Variants in CDK14 observed in about 807,000 individuals in gnomAD.
CDK14 encodes the protein cyclin dependent kinase 14, also known as cyclin-dependent kinase 14.
Under a neutral mutation model 60.7 loss-of-function variants are expected in CDK14, and 34 were observed. The observed-to-expected ratio is 0.56, with a 90% CI of 0.43 to 0.75. CDK14 has a LOEUF of 0.75. Among genes scored for constraint, CDK14 ranks in the 30% least tolerant of loss-of-function variants. The probability of loss-of-function intolerance (pLI) is 0.00; values close to 1 mark genes in which losing one functional copy is unlikely to be tolerated. For synonymous variants in CDK14, 197 were observed against 203.7 expected, an observed-to-expected ratio of 0.97 and a Z score of 0.28; for missense variants, 482 against 564.1, an observed-to-expected ratio of 0.85 and a Z score of 1.47.
intron 14 of CDK14, among the ~76,000 whole-genome samples, chr7:91,199,291 T>C (rs1265414930): frequency 6.6e-6 from 1 of 152,160 alleles, no homozygotes; most frequent in Non-Finnish European, 1.5e-5. Context: ...GTTTAATCTT[T>C]TTTAAAAATG....
chr7:90,817,415 C>A (rs958158244), intron 5 of CDK14, among the ~76,000 whole-genome samples: 19 of 152,016 alleles, frequency 1.2e-4, no homozygotes, highest in African/African-American at 4.6e-4. Flanking sequence ...GGCGGTGGTT[C>A]TGTTATCTGT....
At chr7:90,703,695 C>G (rs999733596) in intron 2 of CDK14, among the ~76,000 whole-genome samples, 1 of 152,032 alleles carries the variant, frequency 6.6e-6, no homozygotes, top group East Asian at 1.9e-4. Flanking sequence ...AATGGGGAAG[C>G]AACAACTGAG....
At chr7:90,709,930 C>A in intron 2 of CDK14, 1 of 1,156,206 alleles carries the variant, frequency 8.6e-7, no homozygotes, top group South Asian at 3.3e-5. Flanking sequence ...CCAGGTGAAT[C>A]AAGCCTGAGG....
intron 10 of CDK14, among the ~76,000 whole-genome samples, chr7:91,029,320 T>C (rs1324051462): frequency 6.6e-6 from 1 of 152,164 alleles, no homozygotes; most frequent in African/African-American, 2.4e-5. Context: ...TGGTTTCATA[T>C]GAATTGTAGG....
At chr7:90,656,270 T>C (rs1201253589) in intron 2 of CDK14, among the ~76,000 whole-genome samples, 1 of 152,204 alleles carries the variant, frequency 6.6e-6, no homozygotes, top group Admixed American at 6.5e-5. Context: ...TCATCATAAA[T>C]TTGGACTCAT....
At chr7:90,997,446 A>G (rs1795717247) in intron 10 of CDK14, among the ~76,000 whole-genome samples, 1 of 152,166 alleles carries the variant, frequency 6.6e-6, no homozygotes, top group Non-Finnish European at 1.5e-5. Context: ...TCCTTCTTTC[A>G]TTTGTTTGTT....
chr7:91,026,312 C>T (rs1215871724), intron 10 of CDK14, among the ~76,000 whole-genome samples: 3 of 152,142 alleles, frequency 2.0e-5, no homozygotes, highest in Admixed American at 6.5e-5. Context: ...GAGGCCATGC[C>T]GTGTCTACTG....
At chr7:90,699,944 A>C (rs1801747240) in intron 2 of CDK14, among the ~76,000 whole-genome samples, 1 of 152,182 alleles carries the variant, frequency 6.6e-6, no homozygotes, top group Non-Finnish European at 1.5e-5. Flanking sequence ...GTATTGTGAT[A>C]AGTAAAACTT....
chr7:91,179,893 T>G (rs1451166680), intron 14 of CDK14, among the ~76,000 whole-genome samples: 1 of 152,254 alleles, frequency 6.6e-6, no homozygotes, highest in African/African-American at 2.4e-5. Context: ...AATATAATTT[T>G]AATAATGATT....
At chr7:90,818,951 A>C (rs886139839) in intron 5 of CDK14, among the ~76,000 whole-genome samples, 2 of 151,958 alleles carry the variant, frequency 1.3e-5, no homozygotes, top group African/African-American at 4.8e-5. Flanking sequence ...ATTTGCTGCC[A>C]TAATATTATA....
At position 91,100,647 on chromosome 7, in the gene CDK14, G is replaced by C. The variant is rs1161926027; in HGVS notation, c.1155-11895G>C. Among the ~76,000 whole-genome samples, 3 of 152,136 alleles carry C rather than the reference G, an allele frequency of 2.0e-5. No homozygotes were observed. The East Asian group carries it at 5.8e-4, about 29-fold the overall frequency. On this transcript the variant is annotated intron_variant, in intron 12 of 14. Transcript: ENST00000380050. ...TCATAAGTTAACAGATTTTTAAAAA[G>C]CAGATCACCCTTTCTTTGGTTTTGG... is the stretch of plus-strand genomic sequence containing the variant.
intron 12 of CDK14, among the ~76,000 whole-genome samples, chr7:91,109,420 G>T (rs1799411681): frequency 6.6e-6 from 1 of 151,934 alleles, no homozygotes; most frequent in Non-Finnish European, 1.5e-5. Context: ...ATGCAAAAAA[G>T]AAGACGAAAA....
intron 6 of CDK14, among the ~76,000 whole-genome samples, chr7:90,868,530 T>C (rs1226829291): frequency 6.6e-6 from 1 of 152,042 alleles, no homozygotes; most frequent in Non-Finnish European, 1.5e-5. Flanking sequence ...ATGATATTGT[T>C]AGGGATAATC....
chr7:90,830,169 A>G (rs1789869323), intron 5 of CDK14, among the ~76,000 whole-genome samples: 1 of 152,158 alleles, frequency 6.6e-6, no homozygotes, highest in Non-Finnish European at 1.5e-5. Flanking sequence ...GGTTCTCTAT[A>G]AGGACTCCTC....
intron 2 of CDK14, among the ~76,000 whole-genome samples, chr7:90,639,376 A>G (rs1436679176): frequency 2.0e-5 from 3 of 151,730 alleles, no homozygotes. Flanking sequence ...GGTCTGTTGG[A>G]GTTTGCTAGA....
intron 10 of CDK14, among the ~76,000 whole-genome samples, chr7:91,025,749 T>C (rs914620941): frequency 6.6e-6 from 1 of 152,230 alleles, no homozygotes; most frequent in Non-Finnish European, 1.5e-5. Flanking sequence ...CCTGTGCCTG[T>C]CTCTAGAGCA....
intron 2 of CDK14, among the ~76,000 whole-genome samples, chr7:90,608,275 T>A (rs1799462070): frequency 1.3e-5 from 2 of 152,238 alleles, no homozygotes; most frequent in South Asian, 4.1e-4. Flanking sequence ...TTATTTTTGA[T>A]TTAATGATTT....
At chr7:90,613,885 C>T (rs1458330465) in intron 2 of CDK14, among the ~76,000 whole-genome samples, 2 of 151,904 alleles carry the variant, frequency 1.3e-5, no homozygotes, top group Non-Finnish European at 2.9e-5. Context: ...GATGGCTTCT[C>T]CTATTAGGAA....
At chr7:91,048,855 T>A (rs1053730726) in intron 11 of CDK14, among the ~76,000 whole-genome samples, 1 of 152,156 alleles carries the variant, frequency 6.6e-6, no homozygotes, top group Non-Finnish European at 1.5e-5. Context: ...TGTGTTTTTT[T>A]AAACCTATTT....
Sources: allele counts gnomAD v4.1 joint callset (sites outside exome capture counted in the v4.1 genomes callset), GRCh38; gene constraint gnomAD v4.1.1; transcripts MANE v1.5; gene names NCBI Gene and HGNC (gene_info 2026-07-23, HGNC 2026-07-21).